Variants in SLC23A2 observed in about 807,000 individuals in gnomAD.
The protein encoded by SLC23A2 is solute carrier family 23 member 2, also known as Na(+)/L-ascorbic acid transporter 2.
Under a neutral mutation model 73.3 loss-of-function variants are expected in SLC23A2, and 36 were observed. The observed-to-expected ratio is 0.49, with a 90% CI of 0.38 to 0.65. The LOEUF (loss-of-function observed/expected upper bound fraction) is 0.65, where lower values mean the gene tolerates loss of function less well. Among genes scored for constraint, SLC23A2 ranks in the 30% least tolerant of loss-of-function variants. SLC23A2 has a pLI of 0.00. For synonymous variants in SLC23A2, 343 were observed against 327.3 expected (o/e 1.05, Z -0.52); for missense variants, 507 against 841.6 (o/e 0.60, Z 4.92).
chr20:4,948,316 G>C (rs2087148410), intron 2 of SLC23A2, among the ~76,000 whole-genome samples: 1 of 152,082 alleles, frequency 6.6e-6, no homozygotes, highest in Non-Finnish European at 1.5e-5. Flanking sequence ...GGTTTTGCTG[G>C]ACTTTGGCCC....
chr20:4,966,821 C>CAG (rs2087483485), intron 2 of SLC23A2, among the ~76,000 whole-genome samples: 1 of 128,138 alleles, frequency 7.8e-6, no homozygotes, highest in Admixed American at 8.3e-5. Flanking sequence ...CACACACACA[C>CAG]ACACACACAC....
At chr20:4,945,053 T>A (rs1169911777) in intron 2 of SLC23A2, among the ~76,000 whole-genome samples, 2 of 151,856 alleles carry the variant, frequency 1.3e-5, no homozygotes, top group Non-Finnish European at 1.5e-5. Flanking sequence ...TTCCTTTGAA[T>A]GAAATGACTT....
chr20:4,927,733 T>C (rs1477929489), intron 3 of SLC23A2, among the ~76,000 whole-genome samples: 2 of 152,148 alleles, frequency 1.3e-5, no homozygotes, highest in Non-Finnish European at 2.9e-5. Flanking sequence ...ATCTCCTTCT[T>C]TGGCCCTCAA....
Position 4,873,954 on chromosome 20 carries a change from A to G in SLC23A2, c.1084T>C (p.Phe362Leu), listed in dbSNP as rs763196675. Residue 362 changes from phenylalanine to leucine, a missense_variant, in exon 11 of 17, where the codon TTT (phenylalanine) becomes CTT (leucine). By Grantham distance (22) the Phe-to-Leu change is conservative. Around this residue, in one of 5 missense-constraint regions of SLC23A2, gnomAD observed 217 missense variants for 398.0 expected, o/e 0.55. Transcript: ENST00000338244. ...RQGVLLVAPW[F>L]KVPYPFQWGL... Reference sequence around the variant, plus strand: ...TACTTACATGGGTATGGAACCTTAAACCACGGGGCTACCAGAAGCACGCCT... The same window carrying G: ...TACTTACATGGGTATGGAACCTTAAGCCACGGGGCTACCAGAAGCACGCCT... 1 of 1,613,854 alleles carries G rather than the reference A, an allele frequency of 6.2e-7. No individual in the cohort carries two copies. Among genetic ancestry groups the G allele is most frequent in the South Asian group, 1.1e-5 (1 of 91,064 alleles).
At chr20:4,895,501 G>C (rs1189119857) in intron 6 of SLC23A2, among the ~76,000 whole-genome samples, 1 of 152,066 alleles carries the variant, frequency 6.6e-6, no homozygotes, top group East Asian at 1.9e-4. Flanking sequence ...CTCCCAAAAA[G>C]TATTTTAGGA....
intron 2 of SLC23A2, among the ~76,000 whole-genome samples, chr20:4,962,349 G>A (rs2087406380): frequency 6.6e-6 from 1 of 152,132 alleles, no homozygotes; most frequent in South Asian, 2.1e-4. Context: ...TAAGATGGCA[G>A]CCACGTGATT....
At chr20:4,940,986 T>A (rs1295842191) in intron 2 of SLC23A2, among the ~76,000 whole-genome samples, 2 of 151,796 alleles carry the variant, frequency 1.3e-5, no homozygotes, top group African/African-American at 4.8e-5. Flanking sequence ...TGAAAACCCG[T>A]CTCTACCAAA....
Position 4,926,199 on chromosome 20 carries a change from G to A in SLC23A2, c.108+6256C>T, listed in dbSNP as rs571988199. 7.5e-4 allele frequency among the ~76,000 whole-genome samples: 114 copies of A among 152,302 alleles called. No homozygotes were observed. The Middle Eastern group carries it at 0.014, about 18-fold the overall frequency. The stretch of plus-strand genomic sequence containing the variant: ...ATAAAGTTACTCGTCGGTCCATGCC[G>A]CTAATATCTCCAGACAGAATAATCT... On this transcript the variant is annotated intron_variant, in intron 3 of 16. Transcript: ENST00000338244.
In SLC23A2 at chr20:4,903,504, A is replaced by G. The variant is rs1045591118; in HGVS notation, c.208-946T>C. ...AGAAATGTTTTATAACCTAGCAAACAAAGTGTTTAACAGGAAACAAAATGA... is the reference window on the plus strand; with the variant it reads ...AGAAATGTTTTATAACCTAGCAAACGAAGTGTTTAACAGGAAACAAAATGA... On this transcript the variant is annotated intron_variant, in intron 4 of 16. Coordinates refer to ENST00000338244, the MANE Select transcript of SLC23A2 (RefSeq NM_005116.6). Among the ~76,000 whole-genome samples the G allele has an allele frequency of 2.6e-5, 4 of 152,358 alleles. No individual in the cohort carries two copies. In the East Asian group the frequency reaches 7.7e-4, roughly 29 times the overall value.
rs377410858 is a variant in SLC23A2 at position 4,899,526 on chromosome 20, G to C, written c.482+29C>G. ...GCGCTCAATGCCTTCTGGGGGCTTT[G>C]GCATCCCCCATTAGTACCCCAATCT... is the stretch of plus-strand genomic sequence containing the variant. On this transcript the variant is annotated intron_variant, in intron 6 of 16. Transcript: ENST00000338244. The surrounding 1 kb of genome is among the most constrained non-coding windows in gnomAD (Gnocchi z 4.9). 1.2e-6 allele frequency: 2 copies of C among 1,607,356 alleles called. No homozygotes were observed. Among genetic ancestry groups the C allele is most frequent in the African/African-American group, 2.7e-5 (2 of 74,786 alleles).
chr20:4,996,264 T>C (rs573056285), intron 1 of SLC23A2, among the ~76,000 whole-genome samples: 1 of 152,244 alleles, frequency 6.6e-6, no homozygotes, highest in Non-Finnish European at 1.5e-5. Flanking sequence ...ACTTAGAAGA[T>C]AGAGGGATTC....
chr20:4,912,895 G>A lies in SLC23A2; in HGVS notation c.192C>T (p.Asn64=), dbSNP rs201503850. 463 of 1,610,696 alleles carry A rather than the reference G, an allele frequency of 2.9e-4. 3 individuals are homozygous for A. In the South Asian group the frequency reaches 3.8e-3, roughly 13 times the overall value. The change falls in exon 4 of 17, where the codon AAC becomes AAT. Residue 64 remains asparagine, a synonymous_variant. Transcript: ENST00000338244. ...TELMAIYTTE[N]GIAEKSSLAE... ...GAAGGGGTACCTTTTCTGCAATGCC[G>A]TTTTCCGTAGTGTAGATCGCCATGA...
At chr20:4,929,756 G>A (rs1932765141) in intron 3 of SLC23A2, among the ~76,000 whole-genome samples, 1 of 152,140 alleles carries the variant, frequency 6.6e-6, no homozygotes, top group African/African-American at 2.4e-5. Context: ...ATACATGACT[G>A]TATACAAAAA....
chr20:4,900,109 G>A (rs545352515), intron 5 of SLC23A2, among the ~76,000 whole-genome samples: 7 of 152,002 alleles, frequency 4.6e-5, no homozygotes, highest in East Asian at 3.9e-4. Flanking sequence ...GGGCTCAAGC[G>A]ATCCGCCTGC....
At chr20:4,905,037 C>G (rs1931885433) in intron 4 of SLC23A2, among the ~76,000 whole-genome samples, 1 of 145,366 alleles carries the variant, frequency 6.9e-6, no homozygotes, top group South Asian at 2.2e-4. Flanking sequence ...TTGCTTGAAC[C>G]TAGGAGACAG....
chr20:4,881,586 T>C (rs992044212), intron 9 of SLC23A2, among the ~76,000 whole-genome samples: 1 of 152,236 alleles, frequency 6.6e-6, no homozygotes, highest in African/African-American at 2.4e-5. Context: ...TTTGTCTACA[T>C]TGGGTTTTGT....
chr20:4,929,943 G>C (rs1715372), intron 3 of SLC23A2, among the ~76,000 whole-genome samples: 85,049 of 151,998 alleles, frequency 0.56, 25,047 homozygotes, highest in African/African-American at 0.74. Flanking sequence ...TCCAGATGTA[G>C]AAAGACTAAG....
chr20:4,986,593 C>A (rs1488673840), intron 1 of SLC23A2, among the ~76,000 whole-genome samples: 1 of 151,442 alleles, frequency 6.6e-6, no homozygotes. Flanking sequence ...GGATTACAGG[C>A]ATGAGTCACC....
upstream of SLC23A2, among the ~76,000 whole-genome samples, chr20:5,004,874 C>G (rs2088173264): frequency 6.6e-6 from 1 of 151,928 alleles, no homozygotes; most frequent in South Asian, 2.1e-4. Flanking sequence ...TGGCGCATGC[C>G]TGTAATCCCA....
Sources: allele counts gnomAD v4.1 joint callset (sites outside exome capture counted in the v4.1 genomes callset), GRCh38; gene constraint gnomAD v4.1.1; regional missense constraint gnomAD v4.1.1; non-coding constraint Gnocchi (gnomAD v3.1); transcripts MANE v1.5; gene names NCBI Gene and HGNC (gene_info 2026-07-23, HGNC 2026-07-21).